SUGCT: variants seen among roughly 807,000 people sequenced by gnomAD.
The protein encoded by SUGCT is succinyl-CoA:glutarate CoA-transferase.
SUGCT carries 41 observed loss-of-function variants against 55.0 expected under a neutral mutation model. The ratio of observed to expected loss-of-function variants is 0.74; its 90% CI spans 0.58 to 0.97. SUGCT has a LOEUF of 0.97. SUGCT is among the 50% of genes least tolerant of loss of function. The pLI, the probability that SUGCT is intolerant of heterozygous loss-of-function variation, is 0.00. For missense variants in SUGCT, 568 were observed against 547.8 expected (o/e 1.04, Z -0.37); for synonymous variants, 187 against 200.4 (o/e 0.93, Z 0.56).
intron 7 of SUGCT, among the ~76,000 whole-genome samples, chr7:40,267,095 A>C (rs1791638755): frequency 6.6e-6 from 1 of 152,074 alleles, no homozygotes; most frequent in South Asian, 2.1e-4. Context: ...AAATAGAGAA[A>C]TACATGAATA....
At chr7:40,872,222 C>A in the SUGCT span, among the ~76,000 whole-genome samples, 11 of 152,084 alleles carry the variant, frequency 7.2e-5, no homozygotes, top group Non-Finnish European at 1.5e-4. Flanking sequence ...CTGACCGTCC[C>A]ATCTATTCAT....
chr7:40,388,003 G>T (rs1403315626), intron 9 of SUGCT: 1 of 152,200 alleles, frequency 6.6e-6, no homozygotes, highest in African/African-American at 2.4e-5. Context: ...CCCCAAATGT[G>T]GGGCAGAGAG....
intron 12 of SUGCT, among the ~76,000 whole-genome samples, chr7:40,742,296 TA>T (rs1787503581): frequency 1.3e-5 from 2 of 152,096 alleles, no homozygotes; most frequent in African/African-American, 4.8e-5. Context: ...AGAAGTAAGA[TA>T]ACAAAAAAAG....
intron 6 of SUGCT, among the ~76,000 whole-genome samples, chr7:40,197,769 G>A (rs139668869): frequency 2.6e-4 from 39 of 152,326 alleles, no homozygotes; most frequent in African/African-American, 8.9e-4. Flanking sequence ...AAGTCACATG[G>A]CATAGGGTGT....
chr7:40,999,721 C>T, the SUGCT span, among the ~76,000 whole-genome samples: 1 of 152,150 alleles, frequency 6.6e-6, no homozygotes, highest in Admixed American at 6.5e-5. Context: ...CTGGAGAGAG[C>T]AAGGCCTCCA....
At chr7:40,874,866 A>G in the SUGCT span, among the ~76,000 whole-genome samples, 1 of 152,222 alleles carries the variant, frequency 6.6e-6, no homozygotes, top group Admixed American at 6.5e-5. Context: ...GGTTATGATT[A>G]ATACATGGGA....
In SUGCT at chr7:40,277,700, T is replaced by TATTATTATC. The variant is rs1792621774; in HGVS notation, c.720+3049_720+3050insTATCATTAT. 4.0e-5 allele frequency among the ~76,000 whole-genome samples: 6 copies of TATTATTATC among 149,842 alleles called. No individual in the cohort carries two copies. The South Asian group carries it at 1.3e-3, about 32-fold the overall frequency. Reference sequence around the variant, plus strand: ...TTGTTATTATTATTATTATTATTATTATTATACTTTAAGTTTTAGGGTACA... The same window carrying TATTATTATC: ...TTGTTATTATTATTATTATTATTATTATTATTATCATTATACTTTAAGTTTTAGGGTACA... On this transcript the variant is annotated intron_variant, in intron 8 of 13. Transcript: ENST00000335693.
intron 6 of SUGCT, among the ~76,000 whole-genome samples, chr7:40,226,176 G>A (rs558804535): frequency 6.6e-6 from 1 of 152,294 alleles, no homozygotes; most frequent in East Asian, 1.9e-4. Context: ...AATCTTGCAT[G>A]TAGGAAAGTA....
At chr7:40,231,086 G>T (rs1489312799) in intron 6 of SUGCT, among the ~76,000 whole-genome samples, 2 of 152,160 alleles carry the variant, frequency 1.3e-5, no homozygotes, top group East Asian at 3.9e-4. Flanking sequence ...ATGAGAATGA[G>T]AAGAGAGAGG....
the SUGCT span, among the ~76,000 whole-genome samples, chr7:41,037,233 C>G: frequency 6.6e-6 from 1 of 151,788 alleles, no homozygotes; most frequent in Admixed American, 6.6e-5. Flanking sequence ...TTTTTTCTGC[C>G]CCTCTGAAGC....
intron 1 of SUGCT, among the ~76,000 whole-genome samples, chr7:40,141,228 A>G (rs889807046): frequency 3.3e-5 from 5 of 150,492 alleles, no homozygotes; most frequent in African/African-American, 1.2e-4. Context: ...CCCATGCTGG[A>G]GTACAATGGT....
Position 40,601,638 on chromosome 7 carries a change from A to G in SUGCT, c.1089+105252A>G, listed in dbSNP as rs571471616. Among the ~76,000 whole-genome samples, 3 of 152,280 alleles carry G rather than the reference A, an allele frequency of 2.0e-5. No homozygotes were observed. In the East Asian group the frequency reaches 5.8e-4, roughly 29 times the overall value. On this transcript the variant is annotated intron_variant, in intron 12 of 13. Coordinates refer to ENST00000335693, the MANE Select transcript of SUGCT (RefSeq NM_001193313.2). ...CTGCATGAGAAAGCCTAAGCCTCTA[A>G]GACAAGCTTGTCCAACATGCGGCCT...
At chr7:40,777,897 C>CAA in intron 13 of SUGCT, among the ~76,000 whole-genome samples, 1 of 152,270 alleles carries the variant, frequency 6.6e-6, no homozygotes, top group South Asian at 2.1e-4. Context: ...ATCACAGTTC[C>CAA]TCTGCCTGAC....
At chr7:40,837,728 C>T (rs1459449075) in intron 13 of SUGCT, among the ~76,000 whole-genome samples, 2 of 152,084 alleles carry the variant, frequency 1.3e-5, no homozygotes, top group Non-Finnish European at 2.9e-5. Context: ...ATTCTCATGC[C>T]TCCTCCTCCC....
intron 12 of SUGCT, among the ~76,000 whole-genome samples, chr7:40,526,166 C>T (rs2151584792): frequency 6.6e-6 from 1 of 152,252 alleles, no homozygotes; most frequent in East Asian, 1.9e-4. Flanking sequence ...GATAGATGTG[C>T]ATTCAGGAAA....
the SUGCT span, among the ~76,000 whole-genome samples, chr7:40,926,869 G>A: frequency 6.6e-6 from 1 of 152,194 alleles, no homozygotes; most frequent in Non-Finnish European, 1.5e-5. Flanking sequence ...ACTTTGGTTT[G>A]TTTTTCAGTC....
chr7:40,210,065 T>A lies in SUGCT; in HGVS notation c.484+15005T>A, dbSNP rs7809031. Among the ~76,000 whole-genome samples, 73 of 152,142 alleles carry A rather than the reference T, an allele frequency of 4.8e-4. 1 individual carries two copies. Among genetic ancestry groups the A allele is most frequent in the South Asian group, 3.1e-3 (15 of 4,816 alleles). ...TTGAATTTTCTATTTTTCTTTTTTTTAAAAAATTTAATTTTATTTATTTAC... is the reference window on the plus strand; with the variant it reads ...TTGAATTTTCTATTTTTCTTTTTTTAAAAAAATTTAATTTTATTTATTTAC... On this transcript the variant is annotated intron_variant, in intron 6 of 13. Transcript: ENST00000335693.
At chr7:40,519,853 A>G (rs1453281515) in intron 12 of SUGCT, among the ~76,000 whole-genome samples, 1 of 152,104 alleles carries the variant, frequency 6.6e-6, no homozygotes, top group Non-Finnish European at 1.5e-5. Context: ...AATTAGGATA[A>G]TTCAGATAGA....
chr7:40,688,268 C>T (rs773763831), intron 12 of SUGCT, among the ~76,000 whole-genome samples: 2 of 152,084 alleles, frequency 1.3e-5, no homozygotes, highest in East Asian at 3.9e-4. Context: ...ACACAGATTC[C>T]TGGATCAGCA....
Sources: allele counts gnomAD v4.1 joint callset (sites outside exome capture counted in the v4.1 genomes callset), GRCh38; gene constraint gnomAD v4.1.1; transcripts MANE v1.5; gene names NCBI Gene and HGNC (gene_info 2026-07-23, HGNC 2026-07-21).